USP37: variants seen among roughly 807,000 people sequenced by gnomAD.
The protein encoded by USP37 is ubiquitin carboxyl-terminal hydrolase 37.
USP37 carries 27 observed loss-of-function variants against 124.0 expected under a neutral mutation model. The ratio of observed to expected loss-of-function variants is 0.22; its 90% CI spans 0.16 to 0.30. The LOEUF is 0.30. Among genes scored for constraint, USP37 ranks in the 10% least tolerant of loss-of-function variants. USP37 has a pLI of 1.00. For missense variants in USP37, 889 were observed against 1,140.4 expected (o/e 0.78, Z 3.17); for synonymous variants, 365 against 388.0 (o/e 0.94, Z 0.70).
At chr2:218,496,336 A>G (rs1421103726) in intron 13 of USP37, among the ~76,000 whole-genome samples, 1 of 152,144 alleles carries the variant, frequency 6.6e-6, no homozygotes, top group Non-Finnish European at 1.5e-5. Context: ...CAAAACAAAC[A>G]AAAAATAATA....
At position 218,482,106 on chromosome 2, in the gene USP37, G is replaced by A; in HGVS notation, c.1799C>T (p.Pro600Leu). 1 of 1,613,010 alleles carries A rather than the reference G, an allele frequency of 6.2e-7. No individual in the cohort carries two copies. Residue 600 changes from proline (P) to leucine (L), a missense_variant, in exon 17 of 26, where the codon CCA becomes CTA. This residue lies in a region of USP37 where 504 missense variants were observed against 714.3 expected (regional missense o/e 0.71). Transcript: ENST00000258399. ...LSSHCTENTK[P>L]PFTLGWSAHM... ...TGCACTCCAACCAAGGGTAAAAGGTGGTTTTGTATTTTCAGTGCAATGAGA... is the reference window on the plus strand; with the variant it reads ...TGCACTCCAACCAAGGGTAAAAGGTAGTTTTGTATTTTCAGTGCAATGAGA...
Position 218,453,528 on chromosome 2 carries a change from T to C in USP37, c.*1402A>G, listed in dbSNP as rs1392334510. The C allele has an allele frequency of 6.6e-6, 1 of 152,186 alleles. No individual in the cohort carries two copies. The highest frequency in any genetic ancestry group is 2.4e-5 in the African/African-American group (1 of 41,448). The allele number at this position is 152,186 out of a possible 1,614,324, so 9.4% of individuals were successfully genotyped here. A position where few individuals can be genotyped will look rare whatever the true frequency, so the allele number is the denominator to read the frequency against. ...GGTTTCATTTTTCTATATTTAACTC[T>C]GTGTGATCCTAATGATATCTGGGCT... On this transcript the variant is annotated 3_prime_UTR_variant, in exon 26 of 26. Coordinates refer to ENST00000258399, the MANE Select transcript of USP37 (RefSeq NM_020935.3).
At chr2:218,526,216 G>C (rs993726119) in intron 10 of USP37, among the ~76,000 whole-genome samples, 1 of 152,102 alleles carries the variant, frequency 6.6e-6, no homozygotes, top group African/African-American at 2.4e-5. Context: ...TAATGGGATT[G>C]CTGGGTTGAA....
intron 7 of USP37, 106 bp from the exon 8 acceptor site, chr2:218,546,404 A>T (rs1692325400): frequency 1.4e-6 from 1 of 694,248 alleles, no homozygotes; most frequent in Admixed American, 2.8e-5. Flanking sequence ...CTATTATCTA[A>T]TTCTCTACAC....
In USP37 at chr2:218,558,802, C is replaced by T. The variant is rs887932530; in HGVS notation, c.-24-125G>A. Reference sequence around the variant, plus strand: ...CATTTCTTCTGCGCCTTCATTTTCCCTTCTTTGCCATGTGTCCAGTACTGT... The same window carrying T: ...CATTTCTTCTGCGCCTTCATTTTCCTTTCTTTGCCATGTGTCCAGTACTGT... On this transcript the variant is annotated intron_variant, in intron 3 of 25. Transcript: ENST00000258399. 11 of 696,706 alleles carry T rather than the reference C, an allele frequency of 1.6e-5. No individual in the cohort carries two copies. In the African/African-American group the frequency reaches 1.8e-4, roughly 11 times the overall value. 43.2% of individuals were successfully genotyped at this position (696,706 alleles called of 1,614,324 possible). A position where few individuals can be genotyped will look rare whatever the true frequency, so the allele number is the denominator to read the frequency against.
At chr2:218,553,504 T>C (rs750001507) in intron 5 of USP37, 49 bp downstream of exon 5, 117 of 1,531,932 alleles carry the variant, frequency 7.6e-5, no homozygotes, top group Non-Finnish European at 9.8e-5. Context: ...AGTCTAGTCA[T>C]AGCCTTGTAA....
intron 10 of USP37, chr2:218,528,612 T>C (rs1004595587): frequency 2.0e-5 from 8 of 399,252 alleles, no homozygotes; most frequent in African/African-American, 1.6e-4. Context: ...CTCATCCATT[T>C]TTATGGCTGC....
At chr2:218,485,603 T>C in intron 16 of USP37, 61 bp downstream of exon 16, 1 of 1,452,852 alleles carries the variant, frequency 6.9e-7, no homozygotes, top group South Asian at 1.3e-5. Context: ...TGAAAAGCAA[T>C]TAAATGTACC....
chr2:218,475,623 G>A (rs1430382043), intron 19 of USP37, among the ~76,000 whole-genome samples: 2 of 152,172 alleles, frequency 1.3e-5, no homozygotes, highest in Non-Finnish European at 2.9e-5. Context: ...TGTAGTCCCA[G>A]CTACTAGGGA....
chr2:218,557,601 C>T (rs184476937), intron 4 of USP37, among the ~76,000 whole-genome samples: 2 of 86,532 alleles, frequency 2.3e-5, no homozygotes, highest in East Asian at 9.4e-4. Flanking sequence ...TATTTTAGAA[C>T]GGATATTACA....
intron 11 of USP37, 154 bp from the exon 12 acceptor site, chr2:218,498,311 T>A (rs1689179911): frequency 2.8e-6 from 2 of 705,228 alleles, no homozygotes; most frequent in Non-Finnish European, 2.1e-6. Flanking sequence ...TCTGATTCAG[T>A]AGGTTTGGAC....
Position 218,455,606 on chromosome 2 carries a change from A to C in USP37, c.2826T>G (p.Ser942Arg). ...EAAVQSDRDRSGYIFFYMHKE... is the reference protein window; with the variant it reads ...EAAVQSDRDRRGYIFFYMHKE... ...TGTGCATATAAAAGAAGATGTAGCC[A>C]CTCCGATCTCGATCACTCTGCACGG... Residue 942 changes from serine to arginine, a missense_variant, in exon 25 of 26, where the codon AGT becomes AGG. Ser to Arg is a moderately radical substitution (Grantham distance 110). This residue lies in a region of USP37 where 504 missense variants were observed against 714.3 expected (regional missense o/e 0.71). Transcript: ENST00000258399. 1 of 1,613,452 alleles carries C rather than the reference A, an allele frequency of 6.2e-7. No homozygotes were observed. Among genetic ancestry groups the C allele is most frequent in the South Asian group, 1.1e-5 (1 of 90,980 alleles).
intron 22 of USP37, among the ~76,000 whole-genome samples, chr2:218,460,286 C>T (rs1689942502): frequency 6.6e-6 from 1 of 151,084 alleles, no homozygotes; most frequent in South Asian, 2.1e-4. Flanking sequence ...TTGGAATAGA[C>T]ATAACAGATA....
intron 15 of USP37, chr2:218,486,044 A>C: frequency 3.6e-6 from 1 of 280,724 alleles, no homozygotes; most frequent in Non-Finnish European, 6.5e-6. Flanking sequence ...CCTTTTCCCC[A>C]TGGACACATA....
At chr2:218,533,336 A>AT (rs1691441794) in intron 9 of USP37, among the ~76,000 whole-genome samples, 1 of 152,164 alleles carries the variant, frequency 6.6e-6, no homozygotes, top group Non-Finnish European at 1.5e-5. Context: ...ATTGTAGAAA[A>AT]TTAGTATCAC....
intron 18 of USP37, among the ~76,000 whole-genome samples, chr2:218,479,445 C>G (rs1344821322): frequency 6.6e-6 from 1 of 152,162 alleles, no homozygotes; most frequent in African/African-American, 2.4e-5. Context: ...AGAGGATGAG[C>G]TAACCTTGTG....
In USP37 at chr2:218,467,583, G is replaced by C. The variant is rs545795019; in HGVS notation, c.2300-1407C>G. 5.8e-4 allele frequency among the ~76,000 whole-genome samples: 88 copies of C among 152,118 alleles called. 1 individual carries two copies. The highest frequency in any genetic ancestry group is 6.8e-3 in the Middle Eastern group (2 of 294). ...AGGCTGGTCTCGAACTCCCGACCTT[G>C]TGATCCGCCCACCTCAGCCTCCCAA... On this transcript the variant is annotated intron_variant, in intron 20 of 25. Transcript: ENST00000258399.
At chr2:218,556,136 G>A (rs1485142669) in intron 4 of USP37, among the ~76,000 whole-genome samples, 1 of 152,084 alleles carries the variant, frequency 6.6e-6, no homozygotes, top group Non-Finnish European at 1.5e-5. Flanking sequence ...TGACAAACAA[G>A]AAACATCAAT....
chr2:218,521,541 C>G (rs926743733), intron 10 of USP37, among the ~76,000 whole-genome samples: 3 of 152,080 alleles, frequency 2.0e-5, no homozygotes, highest in African/African-American at 7.2e-5. Context: ...CTCCCTGTGT[C>G]CATGTGTTCT....
Sources: gnomAD v4.1 joint callset for allele counts (sites outside exome capture counted in the v4.1 genomes callset) on GRCh38, gnomAD v4.1.1 for gene constraint, gnomAD v4.1.1 regional missense constraint, MANE v1.5 for transcripts, NCBI Gene and HGNC (gene_info 2026-07-23, HGNC 2026-07-21) for gene names.